MAGI3: variants seen among roughly 807,000 people sequenced by gnomAD.
MAGI3 encodes membrane associated guanylate kinase, WW and PDZ domain containing 3.
MAGI3 carries 43 observed loss-of-function variants against 121.8 expected under a neutral mutation model. The ratio of observed to expected loss-of-function variants is 0.35; its 90% confidence interval spans 0.28 to 0.46. The LOEUF is 0.46. Among genes scored for constraint, MAGI3 ranks in the 20% least tolerant of loss-of-function variants. The pLI is 1.00. For synonymous variants in MAGI3, 553 were observed against 639.3 expected (o/e 0.86, Z 2.04); for missense variants, 1,547 against 1,797.3 (o/e 0.86, Z 2.52).
At chr1:113,635,168 G>A (rs1651923884) in intron 9 of MAGI3, among the ~76,000 whole-genome samples, 1 of 152,184 alleles carries the variant, frequency 6.6e-6, no homozygotes. Context: ...CATGTCATCT[G>A]CAAACAGGGA....
intron 14 of MAGI3, 88 bp from the exon 15 acceptor site, chr1:113,653,742 T>C: frequency 8.5e-7 from 1 of 1,180,700 alleles, no homozygotes; most frequent in Non-Finnish European, 1.2e-6. Context: ...AAACTGAATT[T>C]TTCTGTGAGA....
chr1:113,449,587 A>AT (rs34091729), intron 1 of MAGI3: 9,360 of 623,064 alleles, frequency 0.015, 72 homozygotes, highest in Non-Finnish European at 0.021. Flanking sequence ...CTGCAAGTGC[A>AT]TTTTTTTTTC....
chr1:113,475,657 C>T (rs1024926746), intron 1 of MAGI3, among the ~76,000 whole-genome samples: 2 of 151,846 alleles, frequency 1.3e-5, no homozygotes, highest in African/African-American at 4.8e-5. Context: ...AGGATTTTCG[C>T]ATCAATACAG....
chr1:113,563,146 G>C (rs1331662033), intron 2 of MAGI3, among the ~76,000 whole-genome samples: 1 of 152,168 alleles, frequency 6.6e-6, no homozygotes, highest in East Asian at 1.9e-4. Context: ...TTTGTTTCAG[G>C]AATGCCAAGT....
intron 1 of MAGI3, among the ~76,000 whole-genome samples, chr1:113,509,617 A>C (rs1657515838): frequency 8.3e-6 from 1 of 120,182 alleles, no homozygotes; most frequent in Non-Finnish European, 1.7e-5. Flanking sequence ...CTGACACCCG[A>C]CCATACTTTC....
intron 15 of MAGI3, among the ~76,000 whole-genome samples, chr1:113,655,775 TGAG>T (rs1653432561): frequency 6.6e-6 from 1 of 152,094 alleles, no homozygotes; most frequent in South Asian, 2.1e-4. Context: ...TTCCACAAAA[TGAG>T]GATGATAGAG....
chr1:113,612,029 C>T (rs531597608), intron 6 of MAGI3, among the ~76,000 whole-genome samples: 197 of 151,882 alleles, frequency 1.3e-3, no homozygotes, highest in Non-Finnish European at 2.0e-3. Flanking sequence ...TTGCAACCTC[C>T]ACCTCCTGGG....
At chr1:113,453,786 A>G (rs1364011222) in intron 1 of MAGI3, among the ~76,000 whole-genome samples, 1 of 152,242 alleles carries the variant, frequency 6.6e-6, no homozygotes, top group East Asian at 1.9e-4. Flanking sequence ...ACTTTAAACA[A>G]TAATACTTGG....
At chr1:113,603,352 C>CCAA (rs58889419) in intron 6 of MAGI3, among the ~76,000 whole-genome samples, 53,489 of 150,620 alleles carry the variant, frequency 0.36, 11,109 homozygotes, top group African/African-American at 0.58. Flanking sequence ...TTAAAAATTG[C>CCAA]CAACAACAAC....
At chr1:113,436,088 T>C (rs1403830381) in intron 1 of MAGI3, among the ~76,000 whole-genome samples, 1 of 152,098 alleles carries the variant, frequency 6.6e-6, no homozygotes, top group Non-Finnish European at 1.5e-5. Flanking sequence ...AGTTAATACC[T>C]GAATAGTTCA....
At chr1:113,467,713 T>G (rs1204070894) in intron 1 of MAGI3, among the ~76,000 whole-genome samples, 1 of 152,062 alleles carries the variant, frequency 6.6e-6, no homozygotes, top group Non-Finnish European at 1.5e-5. Context: ...TTAAACTTTT[T>G]AAGTAGAGAC....
intron 2 of MAGI3, among the ~76,000 whole-genome samples, chr1:113,578,209 A>G (rs1213274270): frequency 6.6e-6 from 1 of 152,120 alleles, no homozygotes; most frequent in Non-Finnish European, 1.5e-5. Context: ...GAGCATTCCA[A>G]GAGGGTGAAT....
intron 1 of MAGI3, among the ~76,000 whole-genome samples, chr1:113,539,983 C>T (rs1659207499): frequency 6.6e-6 from 1 of 151,850 alleles, no homozygotes; most frequent in Non-Finnish European, 1.5e-5. Flanking sequence ...ATACAGACAG[C>T]ATTTTACCCA....
At chr1:113,492,181 G>A (rs1656701978) in intron 1 of MAGI3, among the ~76,000 whole-genome samples, 2 of 152,124 alleles carry the variant, frequency 1.3e-5, no homozygotes, top group South Asian at 4.1e-4. Context: ...TGATCAAGTA[G>A]GTTTTATCCC....
intron 6 of MAGI3, among the ~76,000 whole-genome samples, chr1:113,614,044 CA>C (rs1650315226): frequency 6.6e-6 from 1 of 152,100 alleles, no homozygotes; most frequent in Non-Finnish European, 1.5e-5. Flanking sequence ...TTACACAAAG[CA>C]CTGTGGTAGT....
At chr1:113,598,867 A>G (rs887909406) in intron 6 of MAGI3, among the ~76,000 whole-genome samples, 3 of 152,192 alleles carry the variant, frequency 2.0e-5, no homozygotes, top group Non-Finnish European at 4.4e-5. Context: ...ACTGCAGAAT[A>G]TACATTCTTC....
intron 2 of MAGI3, among the ~76,000 whole-genome samples, chr1:113,572,888 C>T (rs1647387756): frequency 6.6e-6 from 1 of 151,356 alleles, no homozygotes; most frequent in African/African-American, 2.4e-5. Flanking sequence ...TCTCTATCAT[C>T]TTCAGTTCTG....
At chr1:113,440,051 T>C (rs1329457515) in intron 1 of MAGI3, among the ~76,000 whole-genome samples, 2 of 152,216 alleles carry the variant, frequency 1.3e-5, no homozygotes, top group Non-Finnish European at 2.9e-5. Flanking sequence ...TAACTAATGT[T>C]GACAAGTGTC....
chr1:113,529,218 A>C (rs1658593459), intron 1 of MAGI3, among the ~76,000 whole-genome samples: 1 of 152,182 alleles, frequency 6.6e-6, no homozygotes, highest in African/African-American at 2.4e-5. Context: ...ATGTGTTGTG[A>C]TATAACTGTG....
Sources: gnomAD v4.1 joint callset for allele counts (sites outside exome capture counted in the v4.1 genomes callset) on GRCh38, gnomAD v4.1.1 for gene constraint, MANE v1.5 for transcripts, NCBI Gene and HGNC (gene_info 2026-07-23, HGNC 2026-07-21) for gene names.